Variants in ROCK2 observed in about 807,000 individuals in gnomAD.
The protein encoded by ROCK2 is rho-associated protein kinase 2.
In ROCK2, 61 loss-of-function variants were observed where a neutral mutation model predicts 195.1. The observed-to-expected ratio is 0.31, with a 90% CI of 0.25 to 0.39. The LOEUF is 0.39. Ranked by LOEUF, ROCK2 falls within the 10% of genes least tolerant of loss-of-function variation. ROCK2 has a pLI of 1.00. For synonymous variants in ROCK2, 504 were observed against 545.5 expected, an observed-to-expected ratio of 0.92 and a Z score of 1.06; for missense variants, 1,109 against 1,637.4, an observed-to-expected ratio of 0.68 and a Z score of 5.57.
At chr2:11,229,107 T>C (rs1167502481) in intron 5 of ROCK2, among the ~76,000 whole-genome samples, 1 of 152,134 alleles carries the variant, frequency 6.6e-6, no homozygotes, top group East Asian at 1.9e-4. Flanking sequence ...TGGGTAGGAC[T>C]AAAGATTTTT....
chr2:11,287,789 A>AT, intron 1 of ROCK2, 53 bp from the exon 2 acceptor site: 1 of 742,646 alleles, frequency 1.3e-6, no homozygotes, highest in South Asian at 3.6e-5. Flanking sequence ...CCAAGCATTC[A>AT]TTTAAAAAAG....
intron 1 of ROCK2, among the ~76,000 whole-genome samples, chr2:11,295,365 A>C (rs1572374317): frequency 1.3e-5 from 2 of 152,298 alleles, no homozygotes; most frequent in Non-Finnish European, 2.9e-5. Context: ...AGACTTTTTA[A>C]AAAGTATTTT....
In ROCK2 at chr2:11,317,392, C is replaced by T. The variant is rs1051487082; in HGVS notation, c.141+26604G>A. ...TGAAATTGAATATTAACTCTACCAA[C>T]GCAACTGTTACATAACTTCTCTAAA... On this transcript the variant is annotated intron_variant, in intron 1 of 32. Coordinates refer to ENST00000315872, the MANE Select transcript of ROCK2 (RefSeq NM_004850.5). Among the ~76,000 whole-genome samples, 9 of 151,048 alleles carry T rather than the reference C, an allele frequency of 6.0e-5. No individual in the cohort carries two copies. In the East Asian group the frequency reaches 1.4e-3, roughly 23 times the overall value.
chr2:11,337,187 G>A (rs1668955428), intron 1 of ROCK2, among the ~76,000 whole-genome samples: 1 of 151,706 alleles, frequency 6.6e-6, no homozygotes, highest in Non-Finnish European at 1.5e-5. Context: ...GGAGGTTACA[G>A]TGAACCGAGA....
At chr2:11,231,515 G>C (rs17366874) in intron 5 of ROCK2, among the ~76,000 whole-genome samples, 60,178 of 151,810 alleles carry the variant, frequency 0.4, 13,490 homozygotes, top group Admixed American at 0.52. Context: ...GCCTCTTCAG[G>C]TAATTTAAAA....
intron 3 of ROCK2, among the ~76,000 whole-genome samples, chr2:11,264,179 GTCTT>G (rs1235265038): frequency 6.6e-6 from 1 of 152,120 alleles, no homozygotes; most frequent in Admixed American, 6.5e-5. Context: ...TCCTGACACT[GTCTT>G]TATCAGCACT....
intron 1 of ROCK2, among the ~76,000 whole-genome samples, chr2:11,335,122 C>T (rs1176904031): frequency 6.6e-6 from 1 of 150,938 alleles, no homozygotes; most frequent in African/African-American, 2.4e-5. Flanking sequence ...CACACACACA[C>T]ACACACACAC....
chr2:11,223,565 A>C (rs1202199288), intron 7 of ROCK2, among the ~76,000 whole-genome samples: 2 of 152,176 alleles, frequency 1.3e-5, no homozygotes, highest in African/African-American at 4.8e-5. Context: ...TTAGTTTTGT[A>C]ATTTGAGACC....
At chr2:11,311,792 T>C (rs1019164947) in intron 1 of ROCK2, among the ~76,000 whole-genome samples, 6 of 152,012 alleles carry the variant, frequency 3.9e-5, no homozygotes, top group Non-Finnish European at 4.4e-5. Flanking sequence ...CACACCCCTA[T>C]AGGAGATCCA....
intron 1 of ROCK2, among the ~76,000 whole-genome samples, chr2:11,343,401 T>G (rs1399384742): frequency 6.6e-6 from 1 of 152,226 alleles, no homozygotes; most frequent in Non-Finnish European, 1.5e-5. Context: ...AGACTGATTT[T>G]TTGGCTCTGG....
intron 3 of ROCK2, among the ~76,000 whole-genome samples, chr2:11,275,693 A>C (rs1383402535): frequency 4.3e-5 from 6 of 139,910 alleles, no homozygotes; most frequent in Non-Finnish European, 9.2e-5. Flanking sequence ...AAATTCAACA[A>C]TCTTTTTTTT....
At chr2:11,314,579 T>G (rs555641902) in intron 1 of ROCK2, among the ~76,000 whole-genome samples, 1 of 151,994 alleles carries the variant, frequency 6.6e-6, no homozygotes, top group Admixed American at 6.6e-5. Flanking sequence ...ATCCTCAAAT[T>G]TGCTTTTCAT....
At chr2:11,327,380 T>C (rs1183242352) in intron 1 of ROCK2, among the ~76,000 whole-genome samples, 1 of 152,116 alleles carries the variant, frequency 6.6e-6, no homozygotes, top group Non-Finnish European at 1.5e-5. Context: ...AGTAGCTCCA[T>C]GGGATTAAGT....
intron 1 of ROCK2, among the ~76,000 whole-genome samples, chr2:11,330,862 G>A (rs182470342): frequency 5.2e-5 from 4 of 76,622 alleles, no homozygotes; most frequent in Admixed American, 1.2e-4. Context: ...GAGGAAGAGG[G>A]AGGAGGAGGG....
intron 1 of ROCK2, among the ~76,000 whole-genome samples, chr2:11,342,579 C>A (rs1369609079): frequency 6.6e-6 from 1 of 152,114 alleles, no homozygotes; most frequent in Admixed American, 6.5e-5. Flanking sequence ...ACTTTCTGGC[C>A]TTAGGTCAAA....
chr2:11,194,085 A>C, intron 29 of ROCK2, 171 bp downstream of exon 29: 1 of 459,578 alleles, frequency 2.2e-6, no homozygotes, highest in South Asian at 5.7e-5. Context: ...CCCATGAAAT[A>C]AAGATGTTTT....
rs140676493 is a variant in ROCK2 at position 11,331,042 on chromosome 2, G to GGGAGGAGGAGGA, written c.141+12942_141+12953dup. ...AAGGAGGGAGGAGGAGGGAGGAGGA[G>GGGAGGAGGAGGA]GGAGGAGGAGGAGGAGAAGAAGAAG... On this transcript the variant is annotated intron_variant, in intron 1 of 32. Transcript: ENST00000315872. Among the ~76,000 whole-genome samples, 246 of 130,406 alleles carry GGGAGGAGGAGGA rather than the reference G, an allele frequency of 1.9e-3. 1 individual carries two copies. The highest frequency in any genetic ancestry group is 3.2e-3 in the Non-Finnish European group (198 of 61,828). The allele number at this position is 130,406 out of a possible 152,430, so 85.6% of individuals were successfully genotyped here. A position where few individuals can be genotyped will look rare whatever the true frequency, so the allele number is the denominator to read the frequency against.
intron 1 of ROCK2, among the ~76,000 whole-genome samples, chr2:11,319,258 C>T (rs1010332585): frequency 4.6e-5 from 7 of 152,202 alleles, no homozygotes; most frequent in African/African-American, 1.4e-4. Flanking sequence ...CTTCCATTTG[C>T]TTGTATCCTC....
chr2:11,282,607 C>CAAAAAAAAAAAAAAAAAAAAAAAAAAAAA (rs70953381), intron 3 of ROCK2, among the ~76,000 whole-genome samples: 13 of 123,364 alleles, frequency 1.1e-4, no homozygotes, highest in East Asian at 2.3e-4. Context: ...TATCTACATG[C>CAAAAAAAAAAAAAAAAAAAAAAAAAAAAA]AAAAAAAAAA....
Sources: gnomAD v4.1 joint callset for allele counts (sites outside exome capture counted in the v4.1 genomes callset) on GRCh38, gnomAD v4.1.1 for gene constraint, MANE v1.5 for transcripts, NCBI Gene and HGNC (gene_info 2026-07-23, HGNC 2026-07-21) for gene names.